The following TRPM3 variants were observed in gnomAD, a reference collection of about 807,000 sequenced individuals.
TRPM3 encodes the protein long transient receptor potential channel 3.
A neutral mutation model predicts 181.2 loss-of-function variants in TRPM3; 77 were observed. That is an observed-to-expected ratio of 0.42 (90% CI 0.35 to 0.51). The LOEUF (loss-of-function observed/expected upper bound fraction) is 0.51. Among genes scored for constraint, TRPM3 ranks in the 20% least tolerant of loss-of-function variants. The pLI, the probability that TRPM3 is intolerant of heterozygous loss-of-function variation, is 0.01. For synonymous variants in TRPM3, 745 were observed against 796.4 expected (o/e 0.94, Z 1.09); for missense variants, 1,759 against 2,196.7 (o/e 0.80, Z 3.98).
At chr9:71,420,989 G>GGGAGAGAAAAAGGGAGAGAAAA (rs2093756933) in intron 1 of TRPM3, among the ~76,000 whole-genome samples, 1 of 101,804 alleles carries the variant, frequency 9.8e-6, no homozygotes. Context: ...GAGAGAAAAA[G>GGGAGAGAAAAAGGGAGAGAAAA]AGAGAGAAAA....
chr9:70,621,604 G>T (rs1283783338), intron 14 of TRPM3, among the ~76,000 whole-genome samples: 1 of 152,096 alleles, frequency 6.6e-6, no homozygotes, highest in Non-Finnish European at 1.5e-5. Flanking sequence ...GGGCTCAAGT[G>T]GTCCTCCCAC....
chr9:71,291,649 T>C (rs1401171451), intron 1 of TRPM3, among the ~76,000 whole-genome samples: 1 of 152,102 alleles, frequency 6.6e-6, no homozygotes, highest in Non-Finnish European at 1.5e-5. Flanking sequence ...CAAGAATATG[T>C]AGTATTTTCA....
intron 7 of TRPM3, among the ~76,000 whole-genome samples, chr9:70,762,739 G>C (rs907908139): frequency 6.6e-6 from 1 of 152,142 alleles, no homozygotes; most frequent in Non-Finnish European, 1.5e-5. Flanking sequence ...TATTTCACAG[G>C]CAGGACATTT....
At chr9:71,349,163 G>A (rs1341415670) in intron 1 of TRPM3, among the ~76,000 whole-genome samples, 1 of 152,172 alleles carries the variant, frequency 6.6e-6, no homozygotes, top group Non-Finnish European at 1.5e-5. Flanking sequence ...AAGAGATGGA[G>A]ATAATGTGAA....
chr9:71,190,246 C>T (rs1281416240), intron 1 of TRPM3, among the ~76,000 whole-genome samples: 4 of 151,776 alleles, frequency 2.6e-5, no homozygotes, highest in Non-Finnish European at 4.4e-5. Flanking sequence ...AGTTGAGATC[C>T]GCAAGTATCT....
chr9:71,286,952 T>G (rs374394030), intron 1 of TRPM3, among the ~76,000 whole-genome samples: 1 of 91,464 alleles, frequency 1.1e-5, no homozygotes, highest in Non-Finnish European at 2.4e-5. Flanking sequence ...AATTTATATT[T>G]TATATAAATT....
chr9:70,784,656 T>C (rs2083205206), intron 6 of TRPM3, among the ~76,000 whole-genome samples: 1 of 152,202 alleles, frequency 6.6e-6, no homozygotes, highest in South Asian at 2.1e-4. Flanking sequence ...GCAAGTCTTT[T>C]ATCTTTCCAA....
At position 70,830,436 on chromosome 9, in the gene TRPM3, A is replaced by C. The variant is rs535814805; in HGVS notation, c.802-2418T>G. Among the ~76,000 whole-genome samples, 10 of 152,242 alleles carry C rather than the reference A, an allele frequency of 6.6e-5. 1 individual carries two copies. The South Asian group carries it at 2.1e-3, about 32-fold the overall frequency. On this transcript the variant is annotated intron_variant, in intron 5 of 25. Transcript: ENST00000677713. The stretch of plus-strand genomic sequence containing the variant: ...CAGCGGCTCTTTGGGAATACTGCAC[A>C]TCTGAATTGGTCATGGCAAAAGGGT...
At position 70,535,844 on chromosome 9, in the gene TRPM3, G is replaced by T. The variant is rs1263910911; in HGVS notation, c.*109C>A. 6.6e-7 allele frequency: 1 copy of T among 1,508,588 alleles called. No individual in the cohort carries two copies. The highest frequency in any genetic ancestry group is 8.8e-7 in the Non-Finnish European group (1 of 1,134,672). 93.5% of individuals were successfully genotyped at this position (1,508,588 alleles called of 1,614,324 possible). ...CACCTCCCAAAGCATTGCTTGTTTT[G>T]CTCAGCTAAGAATAAAGCAGGTATG... On this transcript the variant is annotated 3_prime_UTR_variant, in exon 26 of 26. Transcript: ENST00000677713.
intron 1 of TRPM3, among the ~76,000 whole-genome samples, chr9:70,885,425 T>C (rs2096069043): frequency 6.6e-6 from 1 of 152,226 alleles, no homozygotes; most frequent in African/African-American, 2.4e-5. Context: ...TCCTAAACCT[T>C]AGGGAAGAAT....
At chr9:71,084,179 G>A (rs1162693335) in intron 1 of TRPM3, among the ~76,000 whole-genome samples, 1 of 152,006 alleles carries the variant, frequency 6.6e-6, no homozygotes. Flanking sequence ...GCATCCTTGA[G>A]AAATCGGCTG....
chr9:71,124,235 C>G (rs2073895802), upstream of TRPM3, among the ~76,000 whole-genome samples: 1 of 151,686 alleles, frequency 6.6e-6, no homozygotes, highest in Non-Finnish European at 1.5e-5. Flanking sequence ...CAAGACCCTT[C>G]TCTCTACTTT....
At chr9:71,101,831 T>C (rs2068443704) in intron 1 of TRPM3, among the ~76,000 whole-genome samples, 1 of 152,170 alleles carries the variant, frequency 6.6e-6, no homozygotes, top group Non-Finnish European at 1.5e-5. Context: ...GTGACAGCAT[T>C]TCCCCTGTGA....
chr9:71,119,053 G>A (rs1376128993), intron 1 of TRPM3, among the ~76,000 whole-genome samples: 1 of 152,152 alleles, frequency 6.6e-6, no homozygotes, highest in Non-Finnish European at 1.5e-5. Context: ...AGCATTCACA[G>A]CCAGAGAGTG....
At position 70,974,863 on chromosome 9, in the gene TRPM3, A is replaced by ATT. The variant is rs1177545043; in HGVS notation, c.178-110354_178-110353dup. On this transcript the variant is annotated intron_variant, in intron 1 of 25. Transcript: ENST00000677713. ...GTTCCACAGGAGTGATGGAACATCA[A>ATT]TTTTTTTTTTTTTTTTTTTTGAGGT... 3.3e-4 allele frequency among the ~76,000 whole-genome samples: 39 copies of ATT among 117,960 alleles called. 1 individual carries two copies. Among genetic ancestry groups the ATT allele is most frequent in the African/African-American group, 7.6e-4 (24 of 31,676 alleles). 77.4% of individuals were successfully genotyped at this position (117,960 alleles called of 152,430 possible).
At chr9:70,783,238 A>G (rs1179317074) in intron 7 of TRPM3, among the ~76,000 whole-genome samples, 3 of 152,196 alleles carry the variant, frequency 2.0e-5, no homozygotes, top group Non-Finnish European at 4.4e-5. Flanking sequence ...AAAAGGCATG[A>G]ATAAAAGACC....
intron 1 of TRPM3, among the ~76,000 whole-genome samples, chr9:71,210,521 C>A (rs1219266971): frequency 2.6e-5 from 4 of 152,200 alleles, no homozygotes; most frequent in Non-Finnish European, 4.4e-5. Context: ...TGGAGCATTT[C>A]TCAGTCCTAT....
rs150201490 is a variant in TRPM3, at chr9:70,980,370, A to AAG, written c.178-115861_178-115860dup. 4.0e-3 allele frequency among the ~76,000 whole-genome samples: 590 copies of AAG among 148,332 alleles called. 5 individuals are homozygous for AAG. The highest frequency in any genetic ancestry group is 0.013 in the African/African-American group (519 of 40,570). On this transcript the variant is annotated intron_variant, in intron 1 of 25. Coordinates refer to ENST00000677713, the MANE Select transcript of TRPM3 (RefSeq NM_001366145.2). ...AGCATGATCACAGTCAGAAGGGGGA[A>AAG]AGAGAGAGAGAGAGAGAGAGGCGAA... is the stretch of plus-strand genomic sequence containing the variant.
At chr9:71,190,774 A>G (rs1305073087) in intron 1 of TRPM3, among the ~76,000 whole-genome samples, 1 of 151,924 alleles carries the variant, frequency 6.6e-6, no homozygotes, top group South Asian at 2.1e-4. Context: ...CTCTGTTCTA[A>G]TCCACCTGTT....
Sources: gnomAD v4.1 joint callset for allele counts (sites outside exome capture counted in the v4.1 genomes callset) on GRCh38, gnomAD v4.1.1 for gene constraint, MANE v1.5 for transcripts, NCBI Gene and HGNC (gene_info 2026-07-23, HGNC 2026-07-21) for gene names.